HMCN1: variants seen among roughly 807,000 people sequenced by gnomAD.
The protein encoded by HMCN1 is hemicentin 1, also known as hemicentin-1.
In HMCN1, 321 loss-of-function variants were observed where a neutral mutation model predicts 625.9. The observed-to-expected ratio is 0.51, with a 90% CI of 0.47 to 0.56. HMCN1 has a LOEUF of 0.56. Ranked by LOEUF, HMCN1 falls within the 20% of genes least tolerant of loss-of-function variation. HMCN1 has a pLI of 0.00. For missense variants in HMCN1, 6,588 were observed against 6,887.3 expected (o/e 0.96, Z 1.54); for synonymous variants, 2,425 against 2,417.6 (o/e 1.00, Z -0.09).
chr1:185,804,197 A>G (rs560367540), intron 1 of HMCN1, among the ~76,000 whole-genome samples: 2 of 152,180 alleles, frequency 1.3e-5, no homozygotes, highest in East Asian at 3.9e-4. Flanking sequence ...TAGTTTTCCT[A>G]GTAACACTAA....
At chr1:185,850,289 A>G (rs1662084054) in intron 2 of HMCN1, among the ~76,000 whole-genome samples, 1 of 152,170 alleles carries the variant, frequency 6.6e-6, no homozygotes, top group South Asian at 2.1e-4. Context: ...AAACCTAACC[A>G]TCAGTTTTTA....
chr1:185,754,318 C>A (rs995940553), intron 1 of HMCN1, among the ~76,000 whole-genome samples: 1 of 152,068 alleles, frequency 6.6e-6, no homozygotes, highest in African/African-American at 2.4e-5. Context: ...TTAGGAGGAA[C>A]AAATAAGTAT....
intron 104 of HMCN1, 88 bp downstream of exon 104, chr1:186,178,854 G>C: frequency 1.1e-6 from 1 of 923,348 alleles, no homozygotes; most frequent in Non-Finnish European, 1.8e-6. Context: ...TTTGAGTGCA[G>C]TGAACTACAT....
intron 36 of HMCN1, 45 bp from the exon 37 acceptor site, chr1:186,037,889 A>G: frequency 8.8e-7 from 1 of 1,142,314 alleles, no homozygotes; most frequent in Non-Finnish European, 1.3e-6. Context: ...TTCAGCTTAA[A>G]TATTCTACTT....
At chr1:185,907,800 G>T (rs1666179273) in intron 4 of HMCN1, among the ~76,000 whole-genome samples, 1 of 151,856 alleles carries the variant, frequency 6.6e-6, no homozygotes, top group Non-Finnish European at 1.5e-5. Context: ...TACTGTGATG[G>T]CATTACCATG....
Position 186,151,622 on chromosome 1 carries a change from GAT to G in HMCN1, c.14777_14778del (p.Ile4926SerfsTer76), listed in dbSNP as rs1558262393. On this transcript the variant is annotated frameshift_variant, in exon 95 of 107. Transcript: ENST00000271588. LOFTEE classifies it high-confidence loss of function. ...PRSLGSAMRK[I>X]VSILNPIYWT... ...TTTCTTTAGGTTCAGCAATGAGAAA[GAT>G]AGTTTCTATTCTAAATCCCATTTAT... The G allele has an allele frequency of 1.9e-6, 3 of 1,612,652 alleles. No homozygotes were observed. The South Asian group carries it at 3.3e-5, about 18-fold the overall frequency.
At chr1:185,764,956 A>G (rs1281421861) in intron 1 of HMCN1, among the ~76,000 whole-genome samples, 1 of 152,160 alleles carries the variant, frequency 6.6e-6, no homozygotes, top group East Asian at 1.9e-4. Flanking sequence ...CCTGAAGAGC[A>G]TCCCTATGCA....
chr1:185,916,223 G>T (rs1666694002), intron 6 of HMCN1, among the ~76,000 whole-genome samples: 1 of 151,996 alleles, frequency 6.6e-6, no homozygotes, highest in Non-Finnish European at 1.5e-5. Flanking sequence ...CTCACAGTAG[G>T]TTCTTAATAA....
intron 74 of HMCN1, 69 bp downstream of exon 74, chr1:186,115,015 G>C: frequency 6.2e-7 from 1 of 1,602,236 alleles, no homozygotes; most frequent in Non-Finnish European, 8.5e-7. Flanking sequence ...AAACTAGTGA[G>C]GTCATAAAGA....
At chr1:185,989,716 C>A in intron 21 of HMCN1, 69 bp downstream of exon 21, 1 of 1,450,894 alleles carries the variant, frequency 6.9e-7, no homozygotes, top group Non-Finnish European at 9.6e-7. Flanking sequence ...AGTTCTTTCC[C>A]CAATACTGTT....
intron 54 of HMCN1, 125 bp from the exon 55 acceptor site, chr1:186,077,982 T>C (rs1392375618): frequency 1.7e-5 from 12 of 704,690 alleles, no homozygotes; most frequent in Non-Finnish European, 2.8e-5. Context: ...AACTGAACCA[T>C]TGGATGAAAC....
chr1:186,096,363 G>C (rs994319512), intron 68 of HMCN1, among the ~76,000 whole-genome samples: 6 of 152,070 alleles, frequency 3.9e-5, no homozygotes, highest in Admixed American at 1.3e-4. Flanking sequence ...ACTTACTTCT[G>C]CATTCCCAGT....
intron 29 of HMCN1, among the ~76,000 whole-genome samples, chr1:186,004,625 T>A (rs1653421054): frequency 6.6e-6 from 1 of 152,072 alleles, no homozygotes; most frequent in Non-Finnish European, 1.5e-5. Context: ...AAGCAAAGGT[T>A]TGAAATTATC....
chr1:185,943,184 C>G (rs1178189356), intron 11 of HMCN1, among the ~76,000 whole-genome samples: 6 of 152,058 alleles, frequency 3.9e-5, no homozygotes, highest in African/African-American at 1.4e-4. Flanking sequence ...TCCTGCGCTC[C>G]GAGAGCTACT....
At chr1:186,113,020 C>CT in intron 72 of HMCN1, 67 bp downstream of exon 72, 1 of 1,572,676 alleles carries the variant, frequency 6.4e-7, no homozygotes, top group Non-Finnish European at 8.7e-7. Context: ...GAGATGATAG[C>CT]TTTTTCTTAT....
intron 86 of HMCN1, 74 bp from the exon 87 acceptor site, chr1:186,136,594 C>A: frequency 1.5e-6 from 2 of 1,344,288 alleles, no homozygotes; most frequent in African/African-American, 1.4e-5. Flanking sequence ...AAAATAATGT[C>A]GCCATATAAT....
chr1:185,964,518 A>T (rs1268671383), intron 13 of HMCN1, among the ~76,000 whole-genome samples: 1 of 152,130 alleles, frequency 6.6e-6, no homozygotes, highest in Non-Finnish European at 1.5e-5. Context: ...GTCAGTAGAG[A>T]AGCAAGGATT....
At chr1:186,080,654 C>A (rs1050660065) in intron 55 of HMCN1, among the ~76,000 whole-genome samples, 1 of 152,094 alleles carries the variant, frequency 6.6e-6, no homozygotes, top group Non-Finnish European at 1.5e-5. Context: ...TTAGTTGGGG[C>A]CCAAGAATTT....
chr1:186,149,003 A>G (rs1650507574), intron 93 of HMCN1, among the ~76,000 whole-genome samples: 2 of 151,666 alleles, frequency 1.3e-5, no homozygotes, highest in East Asian at 1.9e-4. Context: ...TAAGTAAACC[A>G]TGCTATAAAC....
Sources: allele counts gnomAD v4.1 joint callset (sites outside exome capture counted in the v4.1 genomes callset), GRCh38; gene constraint gnomAD v4.1.1; transcripts MANE v1.5; gene names NCBI Gene and HGNC (gene_info 2026-07-23, HGNC 2026-07-21).